CHRM5: variants seen among roughly 807,000 people sequenced by gnomAD.
The protein encoded by CHRM5 is muscarinic acetylcholine receptor M5.
In CHRM5, 18 loss-of-function variants were observed where a neutral mutation model predicts 39.0. The ratio of observed to expected loss-of-function variants is 0.46; its 90% CI spans 0.32 to 0.68. CHRM5 has a LOEUF of 0.68. Among genes scored for constraint, CHRM5 ranks in the 30% least tolerant of loss-of-function variants. The pLI is 0.04. For synonymous variants in CHRM5, 241 were observed against 246.3 expected (o/e 0.98, Z 0.20); for missense variants, 515 against 651.1 (o/e 0.79, Z 2.28).
intron 1 of CHRM5, among the ~76,000 whole-genome samples, chr15:33,984,424 CAG>C (rs925512674): frequency 1.3e-5 from 2 of 150,138 alleles, no homozygotes; most frequent in African/African-American, 2.4e-5. Flanking sequence ...TTTTTTGAGA[CAG>C]AGTTTCACTC....
At chr15:34,037,351 G>C (rs1475849802) in intron 1 of CHRM5, among the ~76,000 whole-genome samples, 1 of 151,868 alleles carries the variant, frequency 6.6e-6, no homozygotes, top group Non-Finnish European at 1.5e-5. Context: ...TCACGAAAAA[G>C]TAAGAGATAA....
At chr15:34,007,956 C>A (rs1406808426) in intron 1 of CHRM5, among the ~76,000 whole-genome samples, 1 of 152,168 alleles carries the variant, frequency 6.6e-6, no homozygotes, top group Non-Finnish European at 1.5e-5. Flanking sequence ...ATGAGTTATA[C>A]TGGATTAGGG....
intron 1 of CHRM5, among the ~76,000 whole-genome samples, chr15:33,987,030 T>C (rs520032): frequency 0.93 from 142,342 of 152,274 alleles, 67,132 homozygotes; most frequent in Non-Finnish European, 1. Flanking sequence ...TCACCACAGG[T>C]TATGAAAAGC....
intron 1 of CHRM5, 109 bp downstream of exon 1, chr15:33,969,259 C>T (rs1012416225): frequency 6.6e-6 from 1 of 151,938 alleles, no homozygotes; most frequent in Non-Finnish European, 1.5e-5. Flanking sequence ...CTTCCTTAAG[C>T]TTTTGCAGAT....
chr15:34,013,057 TTTTG>T (rs955181266), intron 1 of CHRM5, among the ~76,000 whole-genome samples: 3 of 147,464 alleles, frequency 2.0e-5, no homozygotes, highest in South Asian at 2.1e-4. Context: ...ACAGTGGTTT[TTTTG>T]TTTGTTTGTT....
chr15:33,974,058 A>T (rs1363796025), intron 1 of CHRM5, among the ~76,000 whole-genome samples: 1 of 152,214 alleles, frequency 6.6e-6, no homozygotes, highest in Non-Finnish European at 1.5e-5. Context: ...TGATATTATG[A>T]GGTATGCAAA....
intron 1 of CHRM5, chr15:34,007,181 T>C (rs1897393807): frequency 2.6e-6 from 1 of 385,888 alleles, no homozygotes; most frequent in South Asian, 1.1e-4. Flanking sequence ...CACAAATCCA[T>C]TTAAAACAAA....
chr15:33,997,337 A>G (rs1403153354), intron 1 of CHRM5, among the ~76,000 whole-genome samples: 1 of 152,200 alleles, frequency 6.6e-6, no homozygotes, highest in African/African-American at 2.4e-5. Context: ...TAAGAAACAA[A>G]ATAGCCAAAT....
intron 1 of CHRM5, among the ~76,000 whole-genome samples, chr15:33,983,164 GTGTGTGTATA>G (rs1181885833): frequency 2.7e-5 from 3 of 111,564 alleles, no homozygotes; most frequent in Admixed American, 2.6e-4. Flanking sequence ...GTGTGTATGT[GTGTGTGTATA>G]TATACACACG....
intron 2 of CHRM5, among the ~76,000 whole-genome samples, chr15:34,057,190 G>T (rs1900188870): frequency 6.6e-6 from 1 of 150,410 alleles, no homozygotes; most frequent in South Asian, 2.1e-4. Context: ...CTGGAGTGCA[G>T]TCGCATGATC....
chr15:33,971,554 A>G (rs186270871), intron 1 of CHRM5, among the ~76,000 whole-genome samples: 5 of 152,196 alleles, frequency 3.3e-5, no homozygotes, highest in Admixed American at 2.0e-4. Context: ...TGTCTGAAAT[A>G]CCAAGCAACA....
intron 1 of CHRM5, among the ~76,000 whole-genome samples, chr15:33,977,876 G>A (rs548056137): frequency 1.3e-4 from 20 of 151,950 alleles, no homozygotes; most frequent in South Asian, 4.2e-4. Flanking sequence ...GGTCAAAGCC[G>A]CAGCAAGCTG....
chr15:34,036,359 A>G (rs1899125461), intron 1 of CHRM5, among the ~76,000 whole-genome samples: 1 of 152,164 alleles, frequency 6.6e-6, no homozygotes, highest in Non-Finnish European at 1.5e-5. Flanking sequence ...TCCAAAATAG[A>G]AAGCAAAGGT....
In CHRM5 at chr15:34,064,020, G is replaced by T. The variant is rs753027422; in HGVS notation, c.1303G>T (p.Val435Phe). ...GACCAAACGAAAGAGAGTGGTCCTA[G>T]TCAAAGAGAGGAAAGCAGCCCAGAC... The part of the protein sequence containing the change: ...QMTKRKRVVL[V>F]KERKAAQTLS... Residue 435 changes from valine (V) to phenylalanine (F), a missense_variant, in exon 3 of 3, where the codon GTC becomes TTC. Transcript: ENST00000383263. 8.1e-6 allele frequency: 13 copies of T among 1,614,182 alleles called. No individual in the cohort carries two copies. The highest frequency in any genetic ancestry group is 1.1e-5 in the Non-Finnish European group (13 of 1,180,042).
intron 1 of CHRM5, chr15:33,972,090 CTT>C (rs1375452509): frequency 1.3e-5 from 2 of 152,182 alleles, no homozygotes; most frequent in East Asian, 3.9e-4. Context: ...GCATTTGTCA[CTT>C]TTTCAGCATC....
intron 1 of CHRM5, among the ~76,000 whole-genome samples, chr15:33,993,635 G>C (rs770318651): frequency 6.6e-6 from 1 of 152,144 alleles, no homozygotes; most frequent in African/African-American, 2.4e-5. Context: ...ATACATATGA[G>C]CTTATAGAAT....
rs754882320 is a variant in CHRM5, at chr15:34,063,411, G to C, written c.694G>C (p.Gly232Arg). 6.2e-7 allele frequency: 1 copy of C among 1,613,954 alleles called. No homozygotes were observed. The highest frequency in any genetic ancestry group is 8.5e-7 in the Non-Finnish European group (1 of 1,180,044). ...AACCAAGGACCTGGCTGACCTCCAG[G>C]GTTCTGACTCTGTGACCAAAGCTGA... ...KRTKDLADLQ[G>R]SDSVTKAEKR... The change falls in exon 3 of 3, where the codon GGT becomes CGT. Residue 232 changes from glycine (G) to arginine (R), a missense_variant. Gly to Arg is a moderately radical substitution (Grantham distance 125, BLOSUM62 -2). Coordinates refer to ENST00000383263, the MANE Select transcript of CHRM5 (RefSeq NM_012125.4). This position sits in a 1 kb window ranked among gnomAD's most constrained non-coding sequence, Gnocchi z 4.1.
chr15:34,038,912 C>CCCG (rs930200206), intron 1 of CHRM5: 4 of 1,111,808 alleles, frequency 3.6e-6, no homozygotes, highest in African/African-American at 3.4e-5. Context: ...CGCCTCCGTC[C>CCCG]CCGCCGCCGC....
chr15:34,063,261 G>A lies in CHRM5; in HGVS notation c.544G>A (p.Glu182Lys). The change falls in exon 3 of 3, where the codon GAG (glutamate) becomes AAG (lysine). Residue 182 changes from glutamate (E) to lysine (K), a missense_variant. Transcript: ENST00000383263. This position sits in a 1 kb window ranked among gnomAD's most constrained non-coding sequence, Gnocchi z 4.1. ...TGGGAAGCGGACAGTTCCACTGGAT[G>A]AGTGCCAGATCCAGTTTCTCTCTGA... ...LVGKRTVPLD[E>K]CQIQFLSEPT... 6.2e-7 allele frequency: 1 copy of A among 1,614,134 alleles called. No homozygotes were observed. The highest frequency in any genetic ancestry group is 2.2e-5 in the East Asian group (1 of 44,876).
Sources: allele counts gnomAD v4.1 joint callset (sites outside exome capture counted in the v4.1 genomes callset), GRCh38; gene constraint gnomAD v4.1.1; non-coding constraint Gnocchi (gnomAD v3.1); transcripts MANE v1.5; gene names NCBI Gene and HGNC (gene_info 2026-07-23, HGNC 2026-07-21).